GALNTL6: variants seen among roughly 807,000 people sequenced by gnomAD.
The protein encoded by GALNTL6 is polypeptide N-acetylgalactosaminyltransferase-like 6.
Under a neutral mutation model 73.7 loss-of-function variants are expected in GALNTL6, and 46 were observed. That is an observed-to-expected ratio of 0.62 (90% CI 0.49 to 0.80). The LOEUF is 0.80. Among genes scored for constraint, GALNTL6 ranks in the 30% least tolerant of loss-of-function variants. The pLI is 0.00. For synonymous variants in GALNTL6, 259 were observed against 263.7 expected (o/e 0.98, Z 0.17); for missense variants, 604 against 755.0 (o/e 0.80, Z 2.34).
At chr4:172,127,218 G>A (rs75936171) in intron 2 of GALNTL6, among the ~76,000 whole-genome samples, 1 of 152,232 alleles carries the variant, frequency 6.6e-6, no homozygotes, top group Non-Finnish European at 1.5e-5. Context: ...TTCACAGCAT[G>A]TAGGGGCCTG....
At chr4:172,181,647 C>A (rs995178424) in intron 2 of GALNTL6, among the ~76,000 whole-genome samples, 4 of 151,144 alleles carry the variant, frequency 2.6e-5, no homozygotes, top group African/African-American at 9.7e-5. Flanking sequence ...AAGAGGAAGT[C>A]AAATTGCCTC....
chr4:172,539,272 T>G (rs577642677), intron 5 of GALNTL6, among the ~76,000 whole-genome samples: 1 of 152,348 alleles, frequency 6.6e-6, no homozygotes, highest in South Asian at 2.1e-4. Flanking sequence ...TTGTGATCAC[T>G]TAGAAGACAT....
At chr4:173,037,289 A>C (rs1028347033) in intron 12 of GALNTL6, among the ~76,000 whole-genome samples, 1 of 152,188 alleles carries the variant, frequency 6.6e-6, no homozygotes, top group Non-Finnish European at 1.5e-5. Context: ...ATGCTCATTC[A>C]ATTTTATGAC....
chr4:172,458,597 A>G (rs1379104458), intron 5 of GALNTL6, among the ~76,000 whole-genome samples: 2 of 152,178 alleles, frequency 1.3e-5, no homozygotes, highest in Admixed American at 6.5e-5. Context: ...GAACACCTCT[A>G]TGCAAATAAA....
intron 12 of GALNTL6, among the ~76,000 whole-genome samples, chr4:173,038,074 G>C (rs1229776947): frequency 1.3e-5 from 2 of 152,158 alleles, no homozygotes; most frequent in African/African-American, 4.8e-5. Context: ...GTAACAACAG[G>C]AAAAAATACA....
At chr4:171,977,338 T>C (rs1017627256) in intron 2 of GALNTL6, among the ~76,000 whole-genome samples, 6 of 152,194 alleles carry the variant, frequency 3.9e-5, no homozygotes, top group African/African-American at 1.4e-4. Context: ...AGTAGTATAT[T>C]AGTTTTCTAG....
At chr4:172,451,341 A>G (rs535362784) in intron 5 of GALNTL6, among the ~76,000 whole-genome samples, 2 of 152,364 alleles carry the variant, frequency 1.3e-5, no homozygotes, top group South Asian at 2.1e-4. Flanking sequence ...CGGGTTTCCC[A>G]GAGCAGTCAC....
At chr4:172,404,561 A>G (rs570470585) in intron 5 of GALNTL6, among the ~76,000 whole-genome samples, 36 of 152,212 alleles carry the variant, frequency 2.4e-4, no homozygotes, top group Middle Eastern at 3.4e-3. Flanking sequence ...CTTGAGCTCA[A>G]TGTAAAATAT....
intron 2 of GALNTL6, among the ~76,000 whole-genome samples, chr4:172,087,899 C>T (rs2110934980): frequency 6.6e-6 from 1 of 152,024 alleles, no homozygotes; most frequent in South Asian, 2.1e-4. Flanking sequence ...GTTAATTAGC[C>T]ATAGTTAAAA....
At chr4:171,931,711 C>A (rs1017572308) in intron 2 of GALNTL6, among the ~76,000 whole-genome samples, 8 of 152,104 alleles carry the variant, frequency 5.3e-5, no homozygotes, top group African/African-American at 7.2e-5. Flanking sequence ...GATGTTATAA[C>A]ATGATAGTTA....
chr4:172,358,748 A>G (rs575163820), intron 5 of GALNTL6, among the ~76,000 whole-genome samples: 1 of 152,108 alleles, frequency 6.6e-6, no homozygotes, highest in East Asian at 1.9e-4. Flanking sequence ...CTGCGGTCAG[A>G]AGAATAATTT....
intron 5 of GALNTL6, among the ~76,000 whole-genome samples, chr4:172,469,172 A>G (rs1199980636): frequency 6.6e-6 from 1 of 152,210 alleles, no homozygotes. Context: ...ATTAAAGGGT[A>G]TGGTTACACA....
intron 5 of GALNTL6, among the ~76,000 whole-genome samples, chr4:172,601,796 G>C (rs769446074): frequency 6.6e-6 from 1 of 151,960 alleles, no homozygotes; most frequent in Non-Finnish European, 1.5e-5. Flanking sequence ...AGGGGGTTAA[G>C]ATCTATAGGA....
chr4:173,037,242 G>A (rs754850363), intron 12 of GALNTL6, among the ~76,000 whole-genome samples: 4 of 152,108 alleles, frequency 2.6e-5, no homozygotes, highest in South Asian at 2.1e-4. Flanking sequence ...TTGACACCTC[G>A]TCATTTGTCT....
At chr4:171,930,671 C>T (rs557538465) in intron 2 of GALNTL6, among the ~76,000 whole-genome samples, 1 of 152,100 alleles carries the variant, frequency 6.6e-6, no homozygotes, top group East Asian at 1.9e-4. Flanking sequence ...CCCATCTCTA[C>T]TAAAAAATAA....
In GALNTL6 at chr4:171,920,489, A is replaced by G. The variant is rs189745902; in HGVS notation, c.138+105771A>G. Among the ~76,000 whole-genome samples the G allele has an allele frequency of 3.3e-5, 5 of 152,278 alleles. No individual in the cohort carries two copies. The East Asian group carries it at 9.6e-4, about 29-fold the overall frequency. On this transcript the variant is annotated intron_variant, in intron 2 of 12. Coordinates refer to ENST00000506823, the MANE Select transcript of GALNTL6 (RefSeq NM_001034845.3). ...ATAATAAGTGTAGGAGTCCTAACTA[A>G]CTAGTTATAGAATTTATCCAGGAAT...
At chr4:172,467,245 T>G (rs899239065) in intron 5 of GALNTL6, among the ~76,000 whole-genome samples, 1 of 152,242 alleles carries the variant, frequency 6.6e-6, no homozygotes, top group Non-Finnish European at 1.5e-5. Flanking sequence ...GTATACAAAT[T>G]GTTCTAAAAC....
At chr4:172,838,699 C>A (rs1484645987) in intron 7 of GALNTL6, among the ~76,000 whole-genome samples, 2 of 152,170 alleles carry the variant, frequency 1.3e-5, no homozygotes, top group African/African-American at 4.8e-5. Context: ...CTTTCCCCAT[C>A]TTTCACCCCT....
intron 2 of GALNTL6, among the ~76,000 whole-genome samples, chr4:172,133,142 TG>T (rs1224142007): frequency 6.6e-6 from 1 of 152,212 alleles, no homozygotes; most frequent in Non-Finnish European, 1.5e-5. Flanking sequence ...TCAGCAATTC[TG>T]GGCTGTCCAT....
Sources: gnomAD v4.1 joint callset for allele counts (sites outside exome capture counted in the v4.1 genomes callset) on GRCh38, gnomAD v4.1.1 for gene constraint, MANE v1.5 for transcripts, NCBI Gene and HGNC (gene_info 2026-07-23, HGNC 2026-07-21) for gene names.